TMTC2: variants seen among roughly 807,000 people sequenced by gnomAD.
TMTC2 encodes transmembrane O-mannosyltransferase targeting cadherins 2, also known as protein O-mannosyl-transferase TMTC2.
Under a neutral mutation model 82.4 loss-of-function variants are expected in TMTC2, and 43 were observed. The observed-to-expected ratio is 0.52, with a 90% CI of 0.41 to 0.67. The LOEUF is 0.67. Ranked by LOEUF, TMTC2 falls within the 30% of genes least tolerant of loss-of-function variation. TMTC2 has a pLI of 0.00. For synonymous variants in TMTC2, 408 were observed against 381.9 expected (o/e 1.07, Z -0.80); for missense variants, 919 against 1,012.4 (o/e 0.91, Z 1.25).
At chr12:82,875,899 TAAA>T (rs781413116) in intron 2 of TMTC2, among the ~76,000 whole-genome samples, 30 of 113,540 alleles carry the variant, frequency 2.6e-4, no homozygotes, top group African/African-American at 8.1e-4. Context: ...AGCTCACGCT[TAAA>T]AAAAAAAAAA....
At chr12:82,769,408 A>G (rs1037949502) in intron 1 of TMTC2, among the ~76,000 whole-genome samples, 7 of 151,982 alleles carry the variant, frequency 4.6e-5, no homozygotes, top group Non-Finnish European at 7.4e-5. Context: ...CCTGGGAGGC[A>G]GAGGTTGCAG....
Position 83,132,314 on chromosome 12 carries a change from T to A in TMTC2, c.2436T>A (p.Asp812Glu). 1.2e-6 allele frequency: 2 copies of A among 1,614,054 alleles called. No individual in the cohort carries two copies. The highest frequency in any genetic ancestry group is 1.7e-6 in the Non-Finnish European group (2 of 1,179,992). ...YLRALQLKPD[D>E]VITQSNLRKL... ...GGGCCCTGCAGCTCAAGCCAGACGA[T>A]GTCATCACACAGTCCAATCTCCGCA... The change falls in exon 12 of 12, where the codon GAT (aspartate) becomes GAA (glutamate). Residue 812 changes from aspartate (D) to glutamate (E), a missense_variant. By Grantham distance (45) the Asp-to-Glu change is conservative. Coordinates refer to ENST00000321196, the MANE Select transcript of TMTC2 (RefSeq NM_152588.3).
chr12:82,932,939 T>A (rs551901100), intron 4 of TMTC2, among the ~76,000 whole-genome samples: 1 of 152,306 alleles, frequency 6.6e-6, no homozygotes, highest in South Asian at 2.1e-4. Context: ...TAAAATTACA[T>A]CTTAGGACTG....
At chr12:82,973,023 G>A (rs1392281396) in intron 7 of TMTC2, among the ~76,000 whole-genome samples, 4 of 152,128 alleles carry the variant, frequency 2.6e-5, no homozygotes, top group Non-Finnish European at 5.9e-5. Flanking sequence ...TAAGTGGATT[G>A]CTCAAGGCAT....
At chr12:82,819,960 A>G (rs1868991742) in intron 1 of TMTC2, among the ~76,000 whole-genome samples, 1 of 152,180 alleles carries the variant, frequency 6.6e-6, no homozygotes, top group Non-Finnish European at 1.5e-5. Context: ...GGAGCAAGGA[A>G]GCTAGTCCAA....
chr12:82,792,023 G>A (rs1262694139), intron 1 of TMTC2, among the ~76,000 whole-genome samples: 1 of 152,118 alleles, frequency 6.6e-6, no homozygotes, highest in African/African-American at 2.4e-5. Context: ...AATCAAGAGT[G>A]TTTTTTCTTA....
chr12:83,074,841 C>A (rs140547898), intron 11 of TMTC2, among the ~76,000 whole-genome samples: 1 of 152,146 alleles, frequency 6.6e-6, no homozygotes, highest in Non-Finnish European at 1.5e-5. Flanking sequence ...TTGGAGTCTG[C>A]ACACTGGATT....
intron 3 of TMTC2, among the ~76,000 whole-genome samples, chr12:82,920,240 A>T (rs74106184): frequency 0.058 from 8,895 of 152,240 alleles, 843 homozygotes; most frequent in African/African-American, 0.2. Context: ...CCCTGTATTG[A>T]TTTTGTGAAG....
chr12:83,117,216 TC>T (rs1334084103), intron 11 of TMTC2, among the ~76,000 whole-genome samples: 1 of 151,872 alleles, frequency 6.6e-6, no homozygotes, highest in African/African-American at 2.4e-5. Flanking sequence ...GTTTGCTTTG[TC>T]TGTTTCATTG....
At chr12:83,044,596 G>A (rs1882022205) in intron 9 of TMTC2, among the ~76,000 whole-genome samples, 1 of 152,202 alleles carries the variant, frequency 6.6e-6, no homozygotes, top group African/African-American at 2.4e-5. Context: ...TGATGTGGTG[G>A]CTTGAGACAG....
Position 82,735,384 on chromosome 12 carries a change from C to T in TMTC2, c.83+47715C>T, listed in dbSNP as rs565092907. On this transcript the variant is annotated intron_variant, in intron 1 of 11. Transcript: ENST00000321196. ...TTTTTGAGACAGAGTCTTACTCCGTCGCCCAGGCTGGAGTGCAGTGGCGCG... is the reference window on the plus strand; with the variant it reads ...TTTTTGAGACAGAGTCTTACTCCGTTGCCCAGGCTGGAGTGCAGTGGCGCG... 6.1e-5 allele frequency among the ~76,000 whole-genome samples: 9 copies of T among 148,236 alleles called. No homozygotes were observed. The South Asian group carries it at 6.4e-4, about 10-fold the overall frequency.
intron 11 of TMTC2, among the ~76,000 whole-genome samples, chr12:83,101,903 G>C (rs1884229534): frequency 6.6e-6 from 1 of 152,172 alleles, no homozygotes; most frequent in African/African-American, 2.4e-5. Context: ...ATGCATATTG[G>C]ACAAATAATT....
At chr12:82,837,317 G>A (rs1870099633) in intron 1 of TMTC2, among the ~76,000 whole-genome samples, 1 of 152,098 alleles carries the variant, frequency 6.6e-6, no homozygotes, top group Admixed American at 6.6e-5. Context: ...TTCAATAAAT[G>A]TGTACAATGG....
intron 1 of TMTC2, among the ~76,000 whole-genome samples, chr12:82,718,807 CATA>C (rs1404418332): frequency 6.6e-6 from 1 of 151,534 alleles, no homozygotes; most frequent in Non-Finnish European, 1.5e-5. Context: ...GGTAGTATAC[CATA>C]GGAAAATAGG....
chr12:82,964,967 G>A (rs1022730456), intron 4 of TMTC2, 57 bp from the exon 5 acceptor site: 134 of 1,179,224 alleles, frequency 1.1e-4, no homozygotes, highest in Non-Finnish European at 1.5e-4. Context: ...ATAAAAATTT[G>A]TGGTTTTATA....
chr12:82,747,882 A>G (rs1473469090), intron 1 of TMTC2, among the ~76,000 whole-genome samples: 1 of 152,226 alleles, frequency 6.6e-6, no homozygotes, highest in African/African-American at 2.4e-5. Context: ...CCTGAATAAT[A>G]TAATAAACAC....
At chr12:82,987,891 T>G (rs1008186809) in intron 8 of TMTC2, among the ~76,000 whole-genome samples, 3 of 152,168 alleles carry the variant, frequency 2.0e-5, no homozygotes, top group Non-Finnish European at 4.4e-5. Flanking sequence ...AAGTATCTGC[T>G]GGGAATTTGT....
At chr12:82,768,077 G>C (rs956162364) in intron 1 of TMTC2, among the ~76,000 whole-genome samples, 3 of 152,144 alleles carry the variant, frequency 2.0e-5, no homozygotes, top group Admixed American at 1.3e-4. Flanking sequence ...TTATCTCCCT[G>C]TCCTACAGGA....
At chr12:83,053,334 G>A (rs1882421778) in intron 10 of TMTC2, among the ~76,000 whole-genome samples, 1 of 152,086 alleles carries the variant, frequency 6.6e-6, no homozygotes, top group Admixed American at 6.6e-5. Flanking sequence ...GAGAGAGACT[G>A]GGTGTCTCCT....
Sources: gnomAD v4.1 joint callset for allele counts (sites outside exome capture counted in the v4.1 genomes callset) on GRCh38, gnomAD v4.1.1 for gene constraint, MANE v1.5 for transcripts, NCBI Gene and HGNC (gene_info 2026-07-23, HGNC 2026-07-21) for gene names.